Variants in SAMSN1 observed in about 807,000 individuals in gnomAD.
SAMSN1 encodes the protein SAM domain-containing protein SAMSN-1.
A neutral mutation model predicts 42.0 loss-of-function variants in SAMSN1; 31 were observed. The ratio of observed to expected loss-of-function variants is 0.74; its 90% CI spans 0.55 to 1.00. SAMSN1 has a LOEUF of 1.00. Among genes scored for constraint, SAMSN1 ranks in the 50% least tolerant of loss-of-function variants. SAMSN1 has a pLI of 0.00. For missense variants in SAMSN1, 464 were observed against 439.4 expected (o/e 1.06, Z -0.50); for synonymous variants, 178 against 151.9 (o/e 1.17, Z -1.26).
chr21:14,527,444 G>A (rs893936407), intron 1 of SAMSN1, among the ~76,000 whole-genome samples: 3 of 152,144 alleles, frequency 2.0e-5, no homozygotes, highest in South Asian at 4.1e-4. Flanking sequence ...GTAAAGCCTC[G>A]TCTTCGACAC....
At chr21:14,574,015 C>G (rs1600938272) in intron 2 of SAMSN1, among the ~76,000 whole-genome samples, 1 of 152,174 alleles carries the variant, frequency 6.6e-6, no homozygotes, top group African/African-American at 2.4e-5. Context: ...GGAGCATTTG[C>G]CAAGGCTCAT....
intron 1 of SAMSN1, among the ~76,000 whole-genome samples, chr21:14,524,306 A>C (rs918622837): frequency 6.6e-6 from 1 of 152,174 alleles, no homozygotes; most frequent in Admixed American, 6.5e-5. Flanking sequence ...ATTGTAATGT[A>C]TTAGACTTAG....
chr21:14,612,070 A>G (rs1028076280), intron 4 of SAMSN1, among the ~76,000 whole-genome samples: 10 of 152,140 alleles, frequency 6.6e-5, no homozygotes, highest in Non-Finnish European at 7.4e-5. Context: ...TGTCTCTACT[A>G]AAAATACAAA....
At chr21:14,587,595 T>C (rs1408796040), upstream of SAMSN1, among the ~76,000 whole-genome samples, 2 of 152,150 alleles carry the variant, frequency 1.3e-5, no homozygotes, top group African/African-American at 4.8e-5. Context: ...TCTCTTCTCA[T>C]GTGCATGCAT....
intron 2 of SAMSN1, among the ~76,000 whole-genome samples, chr21:14,554,358 G>T (rs1357998409): frequency 6.6e-6 from 1 of 152,088 alleles, no homozygotes; most frequent in Non-Finnish European, 1.5e-5. Context: ...AATGAAAAGA[G>T]ACACTATTAT....
intron 1 of SAMSN1, among the ~76,000 whole-genome samples, chr21:14,530,691 G>A (rs577167821): frequency 4.6e-5 from 7 of 152,260 alleles, no homozygotes; most frequent in Admixed American, 2.6e-4. Flanking sequence ...GTTGAGAAGC[G>A]TTCTAAAGCC....
chr21:14,625,452 A>G lies in SAMSN1; in HGVS notation c.157-9436T>C, dbSNP rs540647033. On this transcript the variant is annotated intron_variant, in intron 2 of 15. Transcript: ENST00000647101. Reference sequence around the variant, plus strand: ...AAGTCTCAGGATACAAAATCAATGTACAAAAATCACAAGCATTCTTATACA... The same window carrying G: ...AAGTCTCAGGATACAAAATCAATGTGCAAAAATCACAAGCATTCTTATACA... Among the ~76,000 whole-genome samples, 4 of 152,310 alleles carry G rather than the reference A, an allele frequency of 2.6e-5. No homozygotes were observed. The South Asian group carries it at 8.3e-4, about 32-fold the overall frequency.
intron 4 of SAMSN1, chr21:14,612,361 A>C (rs1211085514): frequency 5.7e-6 from 1 of 175,216 alleles, no homozygotes; most frequent in African/African-American, 2.4e-5. Flanking sequence ...TTTTCTAAAA[A>C]TAATGAATAG....
intron 1 of SAMSN1, among the ~76,000 whole-genome samples, chr21:14,648,714 A>G (rs1357572157): frequency 6.6e-6 from 1 of 151,550 alleles, no homozygotes; most frequent in African/African-American, 2.4e-5. Flanking sequence ...TCAAAACCAC[A>G]ATGAGATACC....
chr21:14,495,283 A>C (rs1986871859), intron 7 of SAMSN1, among the ~76,000 whole-genome samples: 1 of 152,236 alleles, frequency 6.6e-6, no homozygotes, highest in Admixed American at 6.5e-5. Context: ...TTCACAGAGT[A>C]GAAAATAGAT....
At chr21:14,508,817 A>G (rs530469987) in intron 5 of SAMSN1, among the ~76,000 whole-genome samples, 3 of 152,326 alleles carry the variant, frequency 2.0e-5, no homozygotes, top group South Asian at 4.1e-4. Context: ...ATGACCATCA[A>G]TCAGTGAGTG....
At chr21:14,548,728 CA>C (rs756905856), upstream of SAMSN1, among the ~76,000 whole-genome samples, 25 of 152,110 alleles carry the variant, frequency 1.6e-4, no homozygotes, top group Non-Finnish European at 3.1e-4. Flanking sequence ...CCAAAAAGAT[CA>C]AGTGACAAGG....
In SAMSN1 at chr21:14,510,356, G is replaced by A. The variant is rs1240599024; in HGVS notation, c.515C>T (p.Thr172Met). ...GPFCGRARVH[T>M]DFTPSPYDTD... ...GTCATAGGGACTTGGCGTGAAATCCGTATGCACTCTGGCACGGCCACAGAA... is the reference window on the plus strand; with the variant it reads ...GTCATAGGGACTTGGCGTGAAATCCATATGCACTCTGGCACGGCCACAGAA... The change falls in exon 5 of 8, where the codon ACG becomes ATG. Residue 172 changes from threonine to methionine, a missense_variant. Transcript: ENST00000400566. 7.4e-6 allele frequency: 12 copies of A among 1,613,986 alleles called. No homozygotes were observed. In the Admixed American group the frequency reaches 1.0e-4, roughly 13 times the overall value.
At chr21:14,562,589 T>C (rs983064354) in intron 2 of SAMSN1, among the ~76,000 whole-genome samples, 8 of 150,988 alleles carry the variant, frequency 5.3e-5, no homozygotes, top group Admixed American at 6.6e-5. Context: ...TTAAAATGAT[T>C]TTGATATTGA....
chr21:14,530,323 A>G (rs530217811), intron 1 of SAMSN1, among the ~76,000 whole-genome samples: 8 of 120,786 alleles, frequency 6.6e-5, no homozygotes, highest in African/African-American at 2.0e-4. Context: ...TCTCAAAAAA[A>G]AAAAAAAAAA....
chr21:14,509,173 G>GGAAAT (rs1987565290), intron 5 of SAMSN1, among the ~76,000 whole-genome samples: 1 of 150,690 alleles, frequency 6.6e-6, no homozygotes, highest in Admixed American at 6.6e-5. Context: ...GGAAAGGAAA[G>GGAAAT]GAAAAGAAAA....
At chr21:14,577,236 G>GTATATATATATA (rs1472311400) in intron 2 of SAMSN1, among the ~76,000 whole-genome samples, 2 of 30,856 alleles carry the variant, frequency 6.5e-5, no homozygotes, top group Non-Finnish European at 1.1e-4. Flanking sequence ...ATATATATGT[G>GTATATATATATA]TGTATATATA....
chr21:14,594,300 A>G (rs550156827), intron 6 of SAMSN1, among the ~76,000 whole-genome samples: 1 of 152,286 alleles, frequency 6.6e-6, no homozygotes, highest in Admixed American at 6.5e-5. Flanking sequence ...GTATGTATAC[A>G]TAGTATATAC....
At chr21:14,504,356 G>A (rs192759451) in intron 5 of SAMSN1, among the ~76,000 whole-genome samples, 1 of 152,086 alleles carries the variant, frequency 6.6e-6, no homozygotes, top group Non-Finnish European at 1.5e-5. Context: ...TCCAAAAAAC[G>A]ATCCAAGACG....
Sources: gnomAD v4.1 joint callset for allele counts (sites outside exome capture counted in the v4.1 genomes callset) on GRCh38, gnomAD v4.1.1 for gene constraint, MANE v1.5 for transcripts, NCBI Gene and HGNC (gene_info 2026-07-23, HGNC 2026-07-21) for gene names.